Variants in NUMA1 observed in about 807,000 individuals in gnomAD.
NUMA1 encodes the protein nuclear mitotic apparatus protein 1.
NUMA1 carries 62 observed loss-of-function variants against 237.1 expected under a neutral mutation model. That is an observed-to-expected ratio of 0.26 (90% confidence interval 0.21 to 0.32). The LOEUF is 0.32. Ranked by LOEUF, NUMA1 falls within the 10% of genes least tolerant of loss-of-function variation. The pLI is 1.00. For missense variants in NUMA1, 2,533 were observed against 2,666.5 expected (o/e 0.95, Z 1.10); for synonymous variants, 1,028 against 1,066.1 (o/e 0.96, Z 0.70).
In NUMA1 at chr11:72,005,253, A is replaced by C; in HGVS notation, c.5809T>G (p.Cys1937Gly). ...NRVCPPHLKT[C>G]YPLESRPSLS... ...CTCACCCTGGACTCCAGGGGATAGC[A>C]GGTCTTCAGATGTGGGGGGCACACT... The change falls in exon 23 of 27, where the codon TGC becomes GGC. Residue 1937 changes from cysteine to glycine, a missense_variant. Around this residue, in one of 3 missense-constraint regions of NUMA1, gnomAD observed 795 missense variants for 750.8 expected, o/e 1.06. Coordinates refer to ENST00000393695, the MANE Select transcript of NUMA1 (RefSeq NM_006185.4). 1 of 1,602,024 alleles carries C rather than the reference A, an allele frequency of 6.2e-7. No homozygotes were observed. Among genetic ancestry groups the C allele is most frequent in the South Asian group, 1.1e-5 (1 of 89,578 alleles).
chr11:72,012,408 G>C lies in NUMA1; in HGVS notation c.4643C>G (p.Thr1548Ser), dbSNP rs1819633746. Reference protein sequence around the residue: ...EQLEVFQREQTKQVEELSKKL... With the variant: ...EQLEVFQREQSKQVEELSKKL... ...GAGGACCTCAGGCATTACCTGCTTA[G>C]TTTGCTCTCTCTGAAATACCTCTAG... Residue 1548 changes from threonine (T) to serine (S), a missense_variant, in exon 16 of 27, where the codon ACT becomes AGT. This residue lies in a region of NUMA1 where 795 missense variants were observed against 750.8 expected (regional missense o/e 1.06). Transcript: ENST00000393695. 3.1e-6 allele frequency: 5 copies of C among 1,613,252 alleles called. No individual in the cohort carries two copies. The highest frequency in any genetic ancestry group is 3.4e-6 in the Non-Finnish European group (4 of 1,179,624).
rs1468974375 is a variant in NUMA1, at chr11:72,015,339, TCTC to T, written c.2161_2163del (p.Glu721del). The T allele has an allele frequency of 8.7e-6, 14 of 1,613,400 alleles. No homozygotes were observed. The highest frequency in any genetic ancestry group is 1.2e-5 in the Non-Finnish European group (14 of 1,180,026). The stretch of plus-strand genomic sequence containing the variant: ...TCCAGGGCATCTGCAGCCCTGCGCT[TCTC>T]CTCTTCAAGGCTGCCCTTGGTGACC... On this transcript the variant is annotated inframe_deletion, in exon 15 of 27. Coordinates refer to ENST00000393695, the MANE Select transcript of NUMA1 (RefSeq NM_006185.4). This position sits in a 1 kb window ranked among gnomAD's most constrained non-coding sequence, Gnocchi z 4.0.
intron 20 of NUMA1, chr11:72,008,257 T>A (rs943454795): frequency 2.6e-6 from 1 of 378,974 alleles, no homozygotes; most frequent in Admixed American, 3.7e-5. Flanking sequence ...CATGTACTCT[T>A]CAGTTTCAAA....
At chr11:72,035,501 G>A (rs990670685) in intron 3 of NUMA1, among the ~76,000 whole-genome samples, 14 of 150,578 alleles carry the variant, frequency 9.3e-5, no homozygotes, top group East Asian at 4.0e-4. Flanking sequence ...TCCGCCTCCC[G>A]GGTTCAAGTG....
rs1175132639 is a variant in NUMA1 at position 72,013,656 on chromosome 11, C to G, written c.3847G>C (p.Ala1283Pro). Residue 1283 changes from alanine (A) to proline (P), a missense_variant, in exon 15 of 27, where the codon GCT (alanine) becomes CCT (proline). Transcript: ENST00000393695. This position sits in a 1 kb window ranked among gnomAD's most constrained non-coding sequence, Gnocchi z 6.8. ...CGCAGAGCAGAGCTGCGTTCTGCAG[C>G]TCTGGCACTGTTGCTGGCTGTCTCT... is the stretch of plus-strand genomic sequence containing the variant. The part of the protein sequence containing the change: ...QAETASNSAR[A>P]AERSSALREE... 1.9e-6 allele frequency: 3 copies of G among 1,609,490 alleles called. No homozygotes were observed. Among genetic ancestry groups the G allele is most frequent in the Non-Finnish European group, 2.5e-6 (3 of 1,179,958 alleles).
intron 17 of NUMA1, 152 bp from the exon 18 acceptor site, chr11:72,009,539 C>G: frequency 9.5e-7 from 1 of 1,057,376 alleles, no homozygotes; most frequent in Middle Eastern, 3.1e-4. Flanking sequence ...ACTCTCTGCC[C>G]GACTACAGTC....
intron 17 of NUMA1, 72 bp from the exon 18 acceptor site, chr11:72,009,459 T>TG (rs1277860201): frequency 2.0e-6 from 3 of 1,515,662 alleles, no homozygotes; most frequent in Non-Finnish European, 2.6e-6. Flanking sequence ...CACCAGCCAC[T>TG]GGGGCTCCAC....
chr11:72,004,160 TGCC>T, intron 25 of NUMA1, 61 bp from the exon 26 acceptor site: 1 of 1,603,442 alleles, frequency 6.2e-7, no homozygotes, highest in Non-Finnish European at 8.5e-7. Flanking sequence ...CAGCGTGCTG[TGCC>T]ACGCTCTATC....
chr11:72,037,454 C>G (rs892712527), intron 2 of NUMA1, among the ~76,000 whole-genome samples: 1 of 151,842 alleles, frequency 6.6e-6, no homozygotes, highest in Admixed American at 6.6e-5. Flanking sequence ...TGCAGTGAGC[C>G]GAGATCGCAC....
intron 4 of NUMA1, among the ~76,000 whole-genome samples, chr11:72,027,057 A>G (rs1939680393): frequency 1.3e-5 from 2 of 152,218 alleles, no homozygotes; most frequent in South Asian, 4.1e-4. Context: ...ATAAACCTAC[A>G]GTGGCTAACC....
chr11:72,039,210 T>C (rs992340620), intron 2 of NUMA1, among the ~76,000 whole-genome samples: 2 of 152,238 alleles, frequency 1.3e-5, no homozygotes, highest in African/African-American at 4.8e-5. Flanking sequence ...CTGAGGCTAA[T>C]GTAAACCACC....
At position 72,014,364 on chromosome 11, in the gene NUMA1, TAGCG is replaced by T; in HGVS notation, c.3135_3138del (p.Phe1045LeufsTer11). On this transcript the variant is annotated frameshift_variant, in exon 15 of 27. Transcript: ENST00000393695. LOFTEE classifies it high-confidence loss of function. The surrounding 1 kb of genome is among the most constrained non-coding windows in gnomAD (Gnocchi z 4.6). The stretch of plus-strand genomic sequence containing the variant: ...GCATGAGCCAGTGCCTCTTGCAGGG[TAGCG>T]AACTCCACACGCTGCTCGTTGAGGG... The T allele has an allele frequency of 6.2e-7, 1 of 1,613,384 alleles. No homozygotes were observed. Among genetic ancestry groups the T allele is most frequent in the Non-Finnish European group, 8.5e-7 (1 of 1,180,030 alleles).
chr11:72,037,187 G>A (rs369019522), intron 2 of NUMA1, among the ~76,000 whole-genome samples: 17 of 152,262 alleles, frequency 1.1e-4, no homozygotes, highest in African/African-American at 2.6e-4. Context: ...TCAGCCAACC[G>A]AAAGGTATTT....
intron 21 of NUMA1, among the ~76,000 whole-genome samples, chr11:72,006,954 G>C (rs1404068175): frequency 6.6e-6 from 1 of 152,228 alleles, no homozygotes. Context: ...TCAGTGCTAC[G>C]CATGGAGAGA....
In NUMA1 at chr11:72,005,530, C is replaced by CT; in HGVS notation, c.5693-162dup. The stretch of plus-strand genomic sequence containing the variant: ...CAGGTGCAGGAGTACGGCACACAGA[C>CT]TATTTCTATCCTAGGGGCTTGCTCA... On this transcript the variant is annotated intron_variant, in intron 22 of 26. Transcript: ENST00000393695. The CT allele has an allele frequency of 4.7e-6, 3 of 632,226 alleles. No individual in the cohort carries two copies. The South Asian group carries it at 6.2e-5, about 13-fold the overall frequency. The allele number at this position is 632,226 out of a possible 1,614,324, so 39.2% of individuals were successfully genotyped here.
At chr11:72,064,521 A>C (rs1943115024) in intron 2 of NUMA1, among the ~76,000 whole-genome samples, 1 of 152,080 alleles carries the variant, frequency 6.6e-6, no homozygotes, top group Non-Finnish European at 1.5e-5. Context: ...GAAATACTCA[A>C]GAAATGTTGA....
At chr11:72,027,552 A>C (rs1156760915) in intron 4 of NUMA1, among the ~76,000 whole-genome samples, 2 of 36,752 alleles carry the variant, frequency 5.4e-5, no homozygotes, top group East Asian at 9.3e-4. Flanking sequence ...TTTCTATAAG[A>C]TTAAAAAAAA....
At chr11:72,005,914 GAGCTGGATGGT>G (rs1955652840) in intron 22 of NUMA1, 110 bp downstream of exon 22, 1 of 808,162 alleles carries the variant, frequency 1.2e-6, no homozygotes, top group African/African-American at 1.7e-5. Context: ...GGGGCAGGTG[GAGCTGGATGGT>G]AGCAAGGAGG....
chr11:72,061,544 G>C (rs1942947158), intron 2 of NUMA1, among the ~76,000 whole-genome samples: 1 of 137,780 alleles, frequency 7.3e-6, no homozygotes, highest in Admixed American at 7.8e-5. Flanking sequence ...AGGCTGGAGT[G>C]CAGCGGTACA....
Sources: allele counts gnomAD v4.1 joint callset (sites outside exome capture counted in the v4.1 genomes callset), GRCh38; gene constraint gnomAD v4.1.1; regional missense constraint gnomAD v4.1.1; non-coding constraint Gnocchi (gnomAD v3.1); transcripts MANE v1.5; gene names NCBI Gene and HGNC (gene_info 2026-07-23, HGNC 2026-07-21).